FBXO42: variants seen among roughly 807,000 people sequenced by gnomAD.
The protein encoded by FBXO42 is F-box protein 42, also known as F-box only protein 42.
A neutral mutation model predicts 71.7 loss-of-function variants in FBXO42; 12 were observed. The ratio of observed to expected loss-of-function variants is 0.17; its 90% CI spans 0.11 to 0.27. The LOEUF (loss-of-function observed/expected upper bound fraction) is 0.27. Ranked by LOEUF, FBXO42 falls within the 10% of genes least tolerant of loss-of-function variation. FBXO42 has a pLI of 1.00. For missense variants in FBXO42, 707 were observed against 911.9 expected (o/e 0.78, Z 2.89); for synonymous variants, 325 against 327.5 (o/e 0.99, Z 0.08).
chr1:16,247,022 C>T lies in FBXO42; in HGVS notation c.*3648G>A, dbSNP rs1478503535. 6.6e-6 allele frequency: 1 copy of T among 152,212 alleles called. No homozygotes were observed. The highest frequency in any genetic ancestry group is 1.9e-4 in the East Asian group (1 of 5,190). The allele number at this position is 152,212 out of a possible 1,614,324, so 9.4% of individuals were successfully genotyped here. A position where few individuals can be genotyped will look rare whatever the true frequency, so the allele number is the denominator to read the frequency against. On this transcript the variant is annotated 3_prime_UTR_variant, in exon 10 of 10. Coordinates refer to ENST00000375592, the MANE Select transcript of FBXO42 (RefSeq NM_018994.3). ...TGGCATCCCTGAGTTGTATGGGAAA[C>T]ATCACTCACAGCACCAGCTTCGCCA...
chr1:16,324,277 AAAAG>A (rs1432107868), intron 1 of FBXO42, among the ~76,000 whole-genome samples: 1 of 152,196 alleles, frequency 6.6e-6, no homozygotes. Flanking sequence ...TAAAAACACA[AAAAG>A]AAAAAATATA....
intron 4 of FBXO42, among the ~76,000 whole-genome samples, chr1:16,280,529 A>G (rs1407316452): frequency 6.6e-6 from 1 of 152,270 alleles, no homozygotes; most frequent in East Asian, 1.9e-4. Flanking sequence ...TTACTTTTGC[A>G]CCAACCTAAT....
At chr1:16,316,664 G>A (rs1001589692) in intron 1 of FBXO42, among the ~76,000 whole-genome samples, 6 of 141,532 alleles carry the variant, frequency 4.2e-5, no homozygotes, top group African/African-American at 1.3e-4. Context: ...GAACCTGGGA[G>A]ACAGAGGTTG....
chr1:16,335,335 G>A (rs1169435710), intron 1 of FBXO42, among the ~76,000 whole-genome samples: 1 of 151,936 alleles, frequency 6.6e-6, no homozygotes, highest in Non-Finnish European at 1.5e-5. Flanking sequence ...CCAGGATTTC[G>A]CCACATCGCC....
intron 4 of FBXO42, among the ~76,000 whole-genome samples, chr1:16,281,395 C>T (rs1360532965): frequency 6.6e-6 from 1 of 152,126 alleles, no homozygotes; most frequent in Non-Finnish European, 1.5e-5. Context: ...GGTCCACGTA[C>T]ATCTCCTGGG....
At chr1:16,256,791 T>C in intron 4 of FBXO42, 32 bp from the exon 5 acceptor site, 7 of 1,610,938 alleles carry the variant, frequency 4.3e-6, no homozygotes, top group Non-Finnish European at 5.9e-6. Flanking sequence ...ATGGTTAGCA[T>C]TCAGGATCTC....
chr1:16,302,775 G>A (rs1177709507), intron 3 of FBXO42, among the ~76,000 whole-genome samples: 1 of 152,214 alleles, frequency 6.6e-6, no homozygotes, highest in Admixed American at 6.5e-5. Context: ...CTCCCAAAGT[G>A]CTGGGATTAC....
intron 1 of FBXO42, among the ~76,000 whole-genome samples, chr1:16,319,497 A>G (rs1030814829): frequency 6.6e-6 from 1 of 152,164 alleles, no homozygotes; most frequent in African/African-American, 2.4e-5. Context: ...GAAGGACTGG[A>G]GTGGCTTAAG....
At chr1:16,350,673 G>A (rs2082691508) in intron 1 of FBXO42, among the ~76,000 whole-genome samples, 2 of 147,630 alleles carry the variant, frequency 1.4e-5, no homozygotes, top group African/African-American at 5.0e-5. Flanking sequence ...CTTAAACCCA[G>A]GGGATGGAGA....
In FBXO42 at chr1:16,311,118, C is replaced by A. The variant is rs112016838; in HGVS notation, c.250+4051G>T. On this transcript the variant is annotated intron_variant, in intron 2 of 9. Transcript: ENST00000375592. Reference sequence around the variant, plus strand: ...GCATGAACCCAGGAGGCGGAGCTTGCAATAAGCCGAGATCGCGCCCCTGCA... The same window carrying A: ...GCATGAACCCAGGAGGCGGAGCTTGAAATAAGCCGAGATCGCGCCCCTGCA... Among the ~76,000 whole-genome samples, 838 of 84,180 alleles carry A rather than the reference C, an allele frequency of 1.0e-2. 50 individuals are homozygous for A. Among genetic ancestry groups the A allele is most frequent in the African/African-American group, 0.039 (795 of 20,198 alleles). 55.2% of individuals were successfully genotyped at this position (84,180 alleles called of 152,430 possible). A position where few individuals can be genotyped will look rare whatever the true frequency, so the allele number is the denominator to read the frequency against.
intron 6 of FBXO42, 70 bp from the exon 7 acceptor site, chr1:16,253,801 T>C (rs992102224): frequency 3.6e-6 from 5 of 1,387,020 alleles, no homozygotes; most frequent in Non-Finnish European, 5.1e-6. Context: ...GCTGGGGAGT[T>C]CCACATGCCT....
At position 16,253,154 on chromosome 1, in the gene FBXO42, T is replaced by C; in HGVS notation, c.865-2A>G. The stretch of plus-strand genomic sequence containing the variant: ...GATAGTTGCATCATCTATGACAATC[T>C]GAGGAGGGGAAGACATTGAAAATAA... On this transcript the variant is annotated splice_acceptor_variant, in intron 7 of 9. Coordinates refer to ENST00000375592, the MANE Select transcript of FBXO42 (RefSeq NM_018994.3). LOFTEE classifies it high-confidence loss of function. 1 of 1,612,874 alleles carries C rather than the reference T, an allele frequency of 6.2e-7. No individual in the cohort carries two copies.
chr1:16,343,966 A>C (rs2082631905), intron 1 of FBXO42, among the ~76,000 whole-genome samples: 2 of 150,450 alleles, frequency 1.3e-5, no homozygotes, highest in African/African-American at 2.5e-5. Flanking sequence ...AAAAAAAAAA[A>C]CAACAACAAA....
chr1:16,265,916 C>T (rs1490820603), intron 4 of FBXO42, among the ~76,000 whole-genome samples: 2 of 152,110 alleles, frequency 1.3e-5, no homozygotes, highest in Non-Finnish European at 2.9e-5. Context: ...CCAAATGTCA[C>T]AAGATGAGAA....
At chr1:16,267,225 G>T (rs2081786083) in intron 4 of FBXO42, among the ~76,000 whole-genome samples, 1 of 152,142 alleles carries the variant, frequency 6.6e-6, no homozygotes, top group Admixed American at 6.5e-5. Flanking sequence ...TAACATCAAT[G>T]TGGCCAATAA....
At chr1:16,263,744 A>C (rs114935144) in intron 4 of FBXO42, among the ~76,000 whole-genome samples, 9,112 of 148,844 alleles carry the variant, frequency 0.061, 780 homozygotes, top group African/African-American at 0.19. Context: ...ACAAAAAAAA[A>C]CCGAAAAACC....
chr1:16,251,506 T>C lies in FBXO42; in HGVS notation c.1318A>G (p.Asn440Asp). ...PARGDGSPIL[N>D]GGSLSPGTAA... is the part of the protein sequence containing the mutation. The stretch of plus-strand genomic sequence containing the variant: ...GTTCCTGGAGACAAACTCCCACCAT[T>C]GAGGATAGGAGAGCCGTCTCCTCTG... The change falls in exon 10 of 10, where the codon AAT becomes GAT. Residue 440 changes from asparagine (N) to aspartate (D), a missense_variant. Coordinates refer to ENST00000375592, the MANE Select transcript of FBXO42 (RefSeq NM_018994.3). This position sits in a 1 kb window ranked among gnomAD's most constrained non-coding sequence, Gnocchi z 4.5. 1.2e-6 allele frequency: 2 copies of C among 1,614,096 alleles called. No homozygotes were observed. The highest frequency in any genetic ancestry group is 2.2e-5 in the South Asian group (2 of 91,076).
At chr1:16,305,403 A>G (rs946043558) in intron 3 of FBXO42, among the ~76,000 whole-genome samples, 1 of 152,190 alleles carries the variant, frequency 6.6e-6, no homozygotes, top group South Asian at 2.1e-4. Flanking sequence ...AAATAAATAA[A>G]TAATTAAAAG....
chr1:16,276,379 C>CAAAAAAAAAAAA (rs34711223), intron 4 of FBXO42, among the ~76,000 whole-genome samples: 1 of 97,396 alleles, frequency 1.0e-5, no homozygotes, highest in Non-Finnish European at 2.1e-5. Context: ...CACTCTGTCT[C>CAAAAAAAAAAAA]AAAAAAAAAA....
Sources: allele counts gnomAD v4.1 joint callset (sites outside exome capture counted in the v4.1 genomes callset), GRCh38; gene constraint gnomAD v4.1.1; non-coding constraint Gnocchi (gnomAD v3.1); transcripts MANE v1.5; gene names NCBI Gene and HGNC (gene_info 2026-07-23, HGNC 2026-07-21).